The following CRACDL variants were observed in gnomAD, a reference collection of about 807,000 sequenced individuals.
The protein encoded by CRACDL is CRACD like.
Under a neutral mutation model 70.6 loss-of-function variants are expected in CRACDL, and 26 were observed. The ratio of observed to expected loss-of-function variants is 0.37; its 90% CI spans 0.27 to 0.51. CRACDL has a LOEUF of 0.51. Among genes scored for constraint, CRACDL ranks in the 20% least tolerant of loss-of-function variants. The probability of loss-of-function intolerance (pLI) is 0.94; values close to 1 mark genes in which losing one functional copy is unlikely to be tolerated. For missense variants in CRACDL, 1,283 were observed against 1,376.9 expected, an observed-to-expected ratio of 0.93 and a Z score of 1.08; for synonymous variants, 618 against 615.2, an observed-to-expected ratio of 1.00 and a Z score of -0.07.
intron 7 of CRACDL, among the ~76,000 whole-genome samples, chr2:98,801,046 C>T (rs1704053929): frequency 6.6e-6 from 1 of 152,218 alleles, no homozygotes; most frequent in South Asian, 2.1e-4. Context: ...CCTGCAATAG[C>T]AGCATCGCCA....
intron 1 of CRACDL, among the ~76,000 whole-genome samples, chr2:98,880,589 G>A (rs988638419): frequency 2.6e-4 from 40 of 152,250 alleles, no homozygotes; most frequent in African/African-American, 8.4e-4. Flanking sequence ...GTTTCTGAGC[G>A]GGTGTTTGCA....
intron 1 of CRACDL, among the ~76,000 whole-genome samples, chr2:98,856,759 G>A (rs960166772): frequency 2.6e-5 from 4 of 152,106 alleles, no homozygotes; most frequent in African/African-American, 4.8e-5. Flanking sequence ...ATGCCTCAAC[G>A]TCCTCACAAA....
At chr2:98,811,741 C>T (rs759840152) in intron 7 of CRACDL, among the ~76,000 whole-genome samples, 9 of 152,088 alleles carry the variant, frequency 5.9e-5, no homozygotes, top group Non-Finnish European at 1.3e-4. Context: ...TCTATTTGTT[C>T]TCTGTCCATA....
chr2:98,838,082 G>C, intron 3 of CRACDL, 37 bp downstream of exon 3: 1 of 1,547,726 alleles, frequency 6.5e-7, no homozygotes, highest in Non-Finnish European at 8.7e-7. Flanking sequence ...CATGTATTTA[G>C]GTGCTCCTGG....
intron 1 of CRACDL, among the ~76,000 whole-genome samples, chr2:98,884,670 G>T (rs1447664166): frequency 1.3e-5 from 2 of 152,182 alleles, no homozygotes; most frequent in Non-Finnish European, 2.9e-5. Flanking sequence ...TCACAAATGG[G>T]ATCTGTGCCC....
chr2:98,871,454 C>T (rs1377941686), intron 1 of CRACDL, among the ~76,000 whole-genome samples: 2 of 152,246 alleles, frequency 1.3e-5, no homozygotes, highest in Non-Finnish European at 2.9e-5. Flanking sequence ...GCAACCAGTC[C>T]GAGATGACTG....
At chr2:98,885,199 C>G (rs1043097538) in intron 1 of CRACDL, among the ~76,000 whole-genome samples, 2 of 152,206 alleles carry the variant, frequency 1.3e-5, no homozygotes, top group Admixed American at 1.3e-4. Flanking sequence ...CTGAAATCTG[C>G]TGCTGGGGCC....
intron 1 of CRACDL, chr2:98,912,754 G>A (rs960296306): frequency 2.0e-5 from 3 of 152,542 alleles, no homozygotes; most frequent in African/African-American, 7.2e-5. Flanking sequence ...TCACGGCTGA[G>A]GCGTCCAGAA....
chr2:98,806,521 T>C lies in CRACDL; in HGVS notation c.2417-8984A>G, dbSNP rs370480097. ...AGATCCCGGGGAGCCAGGGCCGGGC[T>C]CAACGGCACAGAGTTGTCAGTGGAG... is the stretch of plus-strand genomic sequence containing the variant. On this transcript the variant is annotated intron_variant, in intron 7 of 9. Coordinates refer to ENST00000397899, the MANE Select transcript of CRACDL (RefSeq NM_207362.3). Among the ~76,000 whole-genome samples the C allele has an allele frequency of 3.3e-5, 5 of 151,526 alleles. No individual in the cohort carries two copies. In the East Asian group the frequency reaches 9.9e-4, roughly 30 times the overall value.
At chr2:98,932,567 C>T (rs1206660660) in intron 1 of CRACDL, among the ~76,000 whole-genome samples, 4 of 152,110 alleles carry the variant, frequency 2.6e-5, no homozygotes, top group African/African-American at 9.7e-5. Context: ...TGGAAGACGC[C>T]CATCCCCATG....
At chr2:98,835,796 T>C (rs1023627632) in intron 3 of CRACDL, among the ~76,000 whole-genome samples, 26 of 152,096 alleles carry the variant, frequency 1.7e-4, no homozygotes, top group Admixed American at 1.2e-3. Flanking sequence ...TTAGCAAGTG[T>C]ACAGTGAATG....
intron 1 of CRACDL, among the ~76,000 whole-genome samples, chr2:98,872,372 G>T (rs752703049): frequency 3.9e-5 from 6 of 152,032 alleles, no homozygotes; most frequent in Non-Finnish European, 5.9e-5. Flanking sequence ...GAAAAGAAAA[G>T]ACCACATGTT....
chr2:98,796,337 G>A, intron 8 of CRACDL, 73 bp from the exon 9 acceptor site: 2 of 1,495,828 alleles, frequency 1.3e-6, no homozygotes, highest in Non-Finnish European at 1.9e-6. Flanking sequence ...CAAAGTGAAG[G>A]AGCTGCAAAG....
At chr2:98,905,869 G>T (rs1487486452) in intron 1 of CRACDL, among the ~76,000 whole-genome samples, 1 of 152,012 alleles carries the variant, frequency 6.6e-6, no homozygotes, top group Admixed American at 6.5e-5. Context: ...TTCCCACTTC[G>T]GCCAACCAAA....
intron 1 of CRACDL, among the ~76,000 whole-genome samples, chr2:98,850,863 T>C (rs920711063): frequency 6.6e-6 from 1 of 152,212 alleles, no homozygotes; most frequent in Non-Finnish European, 1.5e-5. Context: ...TCCCAGCTTA[T>C]AGCAGAGTTC....
chr2:98,927,856 A>G (rs964324611), intron 1 of CRACDL, among the ~76,000 whole-genome samples: 3 of 152,188 alleles, frequency 2.0e-5, no homozygotes, highest in African/African-American at 7.2e-5. Context: ...TAGTGTGGAA[A>G]AGAGGCTCAA....
intron 1 of CRACDL, among the ~76,000 whole-genome samples, chr2:98,932,429 C>T (rs941409274): frequency 6.6e-6 from 1 of 152,208 alleles, no homozygotes; most frequent in African/African-American, 2.4e-5. Flanking sequence ...ACAGGCTTGA[C>T]AAGGGCTCAT....
intron 1 of CRACDL, among the ~76,000 whole-genome samples, chr2:98,894,973 G>A (rs1395611510): frequency 1.3e-5 from 2 of 152,176 alleles, no homozygotes; most frequent in Non-Finnish European, 2.9e-5. Flanking sequence ...TTAGCCAGGT[G>A]TGGTGACATG....
chr2:98,907,718 A>G (rs1440110981), intron 1 of CRACDL, among the ~76,000 whole-genome samples: 6 of 152,224 alleles, frequency 3.9e-5, no homozygotes, highest in Admixed American at 2.0e-4. Context: ...GTGTTGTTCC[A>G]TTCTCGAAAA....
Sources: gnomAD v4.1 joint callset for allele counts (sites outside exome capture counted in the v4.1 genomes callset) on GRCh38, gnomAD v4.1.1 for gene constraint, MANE v1.5 for transcripts, NCBI Gene and HGNC (gene_info 2026-07-23, HGNC 2026-07-21) for gene names.